Variants in KSR1 observed in about 807,000 individuals in gnomAD.
The protein encoded by KSR1 is kinase suppressor of ras.
A neutral mutation model predicts 92.9 loss-of-function variants in KSR1; 35 were observed. The ratio of observed to expected loss-of-function variants is 0.38; its 90% CI spans 0.29 to 0.50. The LOEUF (loss-of-function observed/expected upper bound fraction) is 0.50. KSR1 is among the 20% of genes least tolerant of loss of function. KSR1 has a pLI of 0.94. For missense variants in KSR1, 972 were observed against 1,158.5 expected, an observed-to-expected ratio of 0.84 and a Z score of 2.34; for synonymous variants, 467 against 472.6, an observed-to-expected ratio of 0.99 and a Z score of 0.15.
intron 1 of KSR1, among the ~76,000 whole-genome samples, chr17:27,543,844 C>T (rs1179065173): frequency 6.6e-6 from 1 of 152,176 alleles, no homozygotes; most frequent in Non-Finnish European, 1.5e-5. Flanking sequence ...TTGGCCGTCT[C>T]GCCTTTAGAA....
At chr17:27,473,005 T>C (rs2020102298) in intron 1 of KSR1, among the ~76,000 whole-genome samples, 1 of 152,128 alleles carries the variant, frequency 6.6e-6, no homozygotes, top group Non-Finnish European at 1.5e-5. Flanking sequence ...TCTGTCTACC[T>C]CTCTGGCTCA....
intron 1 of KSR1, among the ~76,000 whole-genome samples, chr17:27,501,421 G>A (rs2069185198): frequency 6.7e-6 from 1 of 148,606 alleles, no homozygotes; most frequent in South Asian, 2.2e-4. Context: ...TTAAGTAAGA[G>A]TTGAATTTTA....
At chr17:27,561,230 A>G (rs1193528081) in intron 2 of KSR1, among the ~76,000 whole-genome samples, 1 of 152,184 alleles carries the variant, frequency 6.6e-6, no homozygotes, top group Non-Finnish European at 1.5e-5. Flanking sequence ...TTTGTCATCT[A>G]ATATCTTACC....
chr17:27,489,891 GAC>G (rs1567757223), intron 1 of KSR1, among the ~76,000 whole-genome samples: 1 of 152,250 alleles, frequency 6.6e-6, no homozygotes, highest in Non-Finnish European at 1.5e-5. Flanking sequence ...TCTCAAAAAT[GAC>G]AGTGTTTCCT....
intron 1 of KSR1, among the ~76,000 whole-genome samples, chr17:27,488,704 G>A (rs992475330): frequency 6.6e-6 from 1 of 152,106 alleles, no homozygotes; most frequent in Non-Finnish European, 1.5e-5. Flanking sequence ...AGTGGCTCAC[G>A]CCTGTAATCC....
chr17:27,507,597 A>ATT, intron 1 of KSR1, among the ~76,000 whole-genome samples: 1 of 79,248 alleles, frequency 1.3e-5, no homozygotes, highest in Non-Finnish European at 2.2e-5. Context: ...TTTTTTTGAG[A>ATT]CAGAATTTCA....
At chr17:27,580,828 G>A (rs2005032) in intron 3 of KSR1, among the ~76,000 whole-genome samples, 3,539 of 152,202 alleles carry the variant, frequency 0.023, 52 homozygotes, top group Middle Eastern at 0.031. Flanking sequence ...GTGCAGTGGC[G>A]CGATCTTGGC....
intron 1 of KSR1, among the ~76,000 whole-genome samples, chr17:27,509,448 G>A (rs897900802): frequency 9.9e-5 from 15 of 152,128 alleles, no homozygotes; most frequent in African/African-American, 3.4e-4. Flanking sequence ...CTGCCACCAC[G>A]CCCGGCTATT....
At chr17:27,481,019 G>C (rs746234994) in intron 1 of KSR1, among the ~76,000 whole-genome samples, 1 of 152,192 alleles carries the variant, frequency 6.6e-6, no homozygotes, top group Non-Finnish European at 1.5e-5. Flanking sequence ...GATGGAAACA[G>C]CTTATTGTGT....
In KSR1 at chr17:27,456,487, T is replaced by A. The variant is rs989260988; in HGVS notation, c.-157T>A. The A allele has an allele frequency of 2.4e-4, 93 of 381,056 alleles. No homozygotes were observed. The highest frequency in any genetic ancestry group is 6.9e-5 in the Non-Finnish European group (15 of 217,588). The allele number at this position is 381,056 out of a possible 1,614,324, so 23.6% of individuals were successfully genotyped here. On this transcript the variant is annotated 5_prime_UTR_variant, in exon 1 of 21. Transcript: ENST00000644974. ...CGCTTTGCTGCCGCGGCTGGGAGGG[T>A]GGAAGCGGCAGACTCAGCGGCCGGC...
intron 1 of KSR1, among the ~76,000 whole-genome samples, chr17:27,546,152 G>A (rs2103053): frequency 1.2e-3 from 177 of 152,308 alleles, no homozygotes; most frequent in African/African-American, 3.2e-3. Flanking sequence ...GGCTGGCTGT[G>A]AGAAACATGG....
chr17:27,567,253 CTGGTGACGT>C (rs2072113413), intron 2 of KSR1, among the ~76,000 whole-genome samples: 1 of 152,142 alleles, frequency 6.6e-6, no homozygotes, highest in Non-Finnish European at 1.5e-5. Flanking sequence ...TAGGGTGTCG[CTGGTGACGT>C]GGGATCTGTT....
chr17:27,511,589 G>A (rs1211343306), intron 1 of KSR1, among the ~76,000 whole-genome samples: 1 of 152,234 alleles, frequency 6.6e-6, no homozygotes. Context: ...CTGGGGCGAG[G>A]TGGGAGTGGG....
intron 19 of KSR1, among the ~76,000 whole-genome samples, chr17:27,620,570 A>G (rs536316145): frequency 2.0e-5 from 3 of 152,176 alleles, no homozygotes; most frequent in Non-Finnish European, 4.4e-5. Context: ...GGGCCTCTGC[A>G]TCCACCTGGG....
intron 2 of KSR1, among the ~76,000 whole-genome samples, chr17:27,554,954 C>T (rs536937471): frequency 2.6e-5 from 4 of 152,310 alleles, no homozygotes; most frequent in African/African-American, 7.2e-5. Flanking sequence ...TTAACGTTGT[C>T]GTGACCACAG....
intron 19 of KSR1, 161 bp downstream of exon 19, chr17:27,617,589 A>G: frequency 1.3e-6 from 1 of 770,078 alleles, no homozygotes; most frequent in Non-Finnish European, 2.0e-6. Flanking sequence ...GTGCAGTGGC[A>G]CGATCTCAGC....
rs1228044042 is a variant in KSR1 at position 27,611,498 on chromosome 17, G to A, written c.2362G>A (p.Val788Ile). 1 of 1,613,844 alleles carries A rather than the reference G, an allele frequency of 6.2e-7. No homozygotes were observed. The highest frequency in any genetic ancestry group is 8.5e-7 in the Non-Finnish European group (1 of 1,179,764). The change falls in exon 18 of 21, where the codon GTT becomes ATT. Residue 788 changes from valine to isoleucine, a missense_variant. This residue lies in a region of KSR1 where 260 missense variants were observed against 375.2 expected (regional missense o/e 0.69). Coordinates refer to ENST00000644974, the MANE Select transcript of KSR1 (RefSeq NM_001394583.1). ...KAADVYAFGT[V>I]WYELQARDWP... Reference sequence around the variant, plus strand: ...GACATGGCTGGGTCTCTGCAGGACTGTTTGGTATGAGCTGCAAGCAAGAGA... The same window carrying A: ...GACATGGCTGGGTCTCTGCAGGACTATTTGGTATGAGCTGCAAGCAAGAGA...
chr17:27,478,466 G>A (rs570572514), intron 1 of KSR1, among the ~76,000 whole-genome samples: 3 of 152,266 alleles, frequency 2.0e-5, no homozygotes, highest in South Asian at 4.1e-4. Context: ...TTTGCATGAC[G>A]TCACCACATT....
intron 1 of KSR1, among the ~76,000 whole-genome samples, chr17:27,496,795 G>A (rs79731617): frequency 2.0e-5 from 3 of 152,228 alleles, no homozygotes; most frequent in Non-Finnish European, 4.4e-5. Flanking sequence ...TTTTCAGGCC[G>A]AGTGAAGATG....
Sources: gnomAD v4.1 joint callset for allele counts (sites outside exome capture counted in the v4.1 genomes callset) on GRCh38, gnomAD v4.1.1 for gene constraint, gnomAD v4.1.1 regional missense constraint, MANE v1.5 for transcripts, NCBI Gene and HGNC (gene_info 2026-07-23, HGNC 2026-07-21) for gene names.